The following CDK5RAP2 variants were observed in gnomAD, a reference collection of about 807,000 sequenced individuals.
CDK5RAP2 encodes CDK5 regulatory subunit associated protein 2.
In CDK5RAP2, 147 loss-of-function variants were observed where a neutral mutation model predicts 232.9. That is an observed-to-expected ratio of 0.63 (90% confidence interval 0.55 to 0.72). CDK5RAP2 has a LOEUF of 0.72. CDK5RAP2 is among the 30% of genes least tolerant of loss of function. The pLI is 0.00. For synonymous variants in CDK5RAP2, 833 were observed against 833.7 expected, an observed-to-expected ratio of 1.00 and a Z score of 0.01; for missense variants, 2,195 against 2,231.5, an observed-to-expected ratio of 0.98 and a Z score of 0.33.
rs2033518959 is a variant in CDK5RAP2 at position 120,407,266 on chromosome 9, G to C, written c.4727-18C>G. 1 of 1,579,496 alleles carries C rather than the reference G, an allele frequency of 6.3e-7. No homozygotes were observed. The highest frequency in any genetic ancestry group is 1.3e-5 in the African/African-American group (1 of 74,486). ...CGACGCCTCTGAGGACATGTGCAAA[G>C]AGAAGCCCTGACATCTTCCACAACC... On this transcript the variant is annotated intron_variant, in intron 31 of 37. Transcript: ENST00000349780.
At chr9:120,443,818 A>G (rs1381110986) in intron 22 of CDK5RAP2, 76 bp from the exon 23 acceptor site, 22 of 1,586,554 alleles carry the variant, frequency 1.4e-5, no homozygotes, top group Non-Finnish European at 1.9e-5. Context: ...ACTGAGAAGA[A>G]CACAAAGATA....
intron 14 of CDK5RAP2, among the ~76,000 whole-genome samples, chr9:120,479,066 T>C (rs2038171400): frequency 6.6e-6 from 1 of 152,130 alleles, no homozygotes. Context: ...ACAGACCCAG[T>C]TTGGAAAGGC....
At chr9:120,413,509 T>C (rs552607254) in intron 28 of CDK5RAP2, among the ~76,000 whole-genome samples, 50 of 152,326 alleles carry the variant, frequency 3.3e-4, no homozygotes, top group Admixed American at 7.2e-4. Flanking sequence ...AGCACGTCTT[T>C]CCACCAGTGT....
rs1289333249 is a variant in CDK5RAP2, at chr9:120,571,803, T to G, written c.127+171A>C. The G allele has an allele frequency of 6.0e-6, 4 of 668,390 alleles. No individual in the cohort carries two copies. In the East Asian group the frequency reaches 1.1e-4, roughly 19 times the overall value. The allele number at this position is 668,390 out of a possible 1,614,324, so 41.4% of individuals were successfully genotyped here. A position where few individuals can be genotyped will look rare whatever the true frequency, so the allele number is the denominator to read the frequency against. ...AACAATTCCTCTAGTCCAGTGTTTA[T>G]GAAAGGAGGTGGAAAGCAAATCAAT... is the stretch of plus-strand genomic sequence containing the variant. On this transcript the variant is annotated intron_variant, in intron 2 of 37. Transcript: ENST00000349780.
intron 18 of CDK5RAP2, 58 bp downstream of exon 18, chr9:120,467,802 T>C (rs1224110538): frequency 2.5e-6 from 4 of 1,591,850 alleles, no homozygotes; most frequent in Middle Eastern, 1.7e-4. Flanking sequence ...TGAGCCACCA[T>C]ACCAAGCCGG....
intron 18 of CDK5RAP2, 163 bp from the exon 19 acceptor site, chr9:120,460,830 A>C (rs1292597101): frequency 6.6e-6 from 8 of 1,219,702 alleles, no homozygotes; most frequent in Non-Finnish European, 9.2e-6. Flanking sequence ...AAATTAACCA[A>C]GGTTAGAGTT....
At chr9:120,577,983 TCTCACGCCGGGCGCGGTGG>T (rs774959769) in intron 1 of CDK5RAP2, among the ~76,000 whole-genome samples, 1 of 152,160 alleles carries the variant, frequency 6.6e-6, no homozygotes, top group Non-Finnish European at 1.5e-5. Flanking sequence ...AAAAAATAGT[TCTCACGCCGGGCGCGGTGG>T]CTCACGCCTG....
In CDK5RAP2 at chr9:120,491,381, T is replaced by G. The variant is rs751318546; in HGVS notation, c.1408A>C (p.Lys470Gln). 1 of 1,612,808 alleles carries G rather than the reference T, an allele frequency of 6.2e-7. No homozygotes were observed. The highest frequency in any genetic ancestry group is 1.1e-5 in the South Asian group (1 of 91,018). The change falls in exon 13 of 38, where the codon AAA becomes CAA. Residue 470 changes from lysine to glutamine, a missense_variant. Coordinates refer to ENST00000349780, the MANE Select transcript of CDK5RAP2 (RefSeq NM_018249.6). Reference protein sequence around the residue: ...RYKSLLSESNKKLHNQEQVIK... With the variant: ...RYKSLLSESNQKLHNQEQVIK... ...ACTTGCTCTTGATTGTGCAATTTTT[T>G]ATTGCTTTCACTCAGAAGACTCTTG...
At chr9:120,501,949 T>TTCC (rs2039594599) in intron 12 of CDK5RAP2, among the ~76,000 whole-genome samples, 1 of 152,224 alleles carries the variant, frequency 6.6e-6, no homozygotes, top group African/African-American at 2.4e-5. Flanking sequence ...ATGAGATGGA[T>TTCC]GGGACTGCTC....
At chr9:120,492,048 TATA>T (rs1242499067) in intron 12 of CDK5RAP2, among the ~76,000 whole-genome samples, 1 of 151,984 alleles carries the variant, frequency 6.6e-6, no homozygotes, top group Non-Finnish European at 1.5e-5. Context: ...ACAAAGAATT[TATA>T]ATAACATAAA....
intron 12 of CDK5RAP2, among the ~76,000 whole-genome samples, chr9:120,508,010 T>C (rs1442033744): frequency 7.4e-6 from 1 of 134,970 alleles, no homozygotes; most frequent in East Asian, 2.3e-4. Flanking sequence ...AATCTTAGAA[T>C]CACATTAGAA....
intron 1 of CDK5RAP2, among the ~76,000 whole-genome samples, chr9:120,578,215 C>T (rs924206353): frequency 6.6e-6 from 1 of 152,014 alleles, no homozygotes. Flanking sequence ...TGAAGTGAGC[C>T]GAGATCGCGC....
intron 12 of CDK5RAP2, among the ~76,000 whole-genome samples, chr9:120,504,821 A>G (rs1199734199): frequency 6.6e-6 from 1 of 152,100 alleles, no homozygotes; most frequent in Non-Finnish European, 1.5e-5. Context: ...AGTCCCCTCC[A>G]CCTGGAAAAA....
intron 15 of CDK5RAP2, among the ~76,000 whole-genome samples, chr9:120,476,593 C>T (rs554968231): frequency 6.6e-6 from 1 of 151,590 alleles, no homozygotes; most frequent in East Asian, 1.9e-4. Flanking sequence ...GCAGGAGAAT[C>T]GCTTGAACCC....
chr9:120,409,119 GC>G lies in CDK5RAP2; in HGVS notation c.4604+7del. 6.2e-7 allele frequency: 1 copy of G among 1,610,582 alleles called. No homozygotes were observed. Reference sequence around the variant, plus strand: ...GCCAGCAGGCCACCAGGGAAGCACAGCCACTACCTGCTCAGCTCCTGGCCGC... The same window carrying G: ...GCCAGCAGGCCACCAGGGAAGCACAGCACTACCTGCTCAGCTCCTGGCCGC... On this transcript the variant is annotated splice_region_variant and intron_variant, in intron 30 of 37. Transcript: ENST00000349780.
chr9:120,548,780 C>T (rs557522053), intron 4 of CDK5RAP2, among the ~76,000 whole-genome samples: 1 of 152,270 alleles, frequency 6.6e-6, no homozygotes, highest in South Asian at 2.1e-4. Flanking sequence ...CCACTACACT[C>T]CAGCTCGGTG....
chr9:120,400,114 C>T (rs10818455), intron 35 of CDK5RAP2, among the ~76,000 whole-genome samples: 33,540 of 152,104 alleles, frequency 0.22, 4,263 homozygotes, highest in African/African-American at 0.34. Flanking sequence ...AGGTCCCTTC[C>T]TCCAGGGAGG....
intron 6 of CDK5RAP2, among the ~76,000 whole-genome samples, chr9:120,537,527 T>C (rs1031409294): frequency 6.6e-6 from 1 of 152,130 alleles, no homozygotes; most frequent in Non-Finnish European, 1.5e-5. Flanking sequence ...AGGAGCTTCA[T>C]TCGTATTATC....
At chr9:120,445,645 T>G (rs1437696772) in intron 22 of CDK5RAP2, among the ~76,000 whole-genome samples, 1 of 152,176 alleles carries the variant, frequency 6.6e-6, no homozygotes, top group Admixed American at 6.5e-5. Context: ...CCCTCCTTAC[T>G]CAGCTTCTGG....
Sources: gnomAD v4.1 joint callset for allele counts (sites outside exome capture counted in the v4.1 genomes callset) on GRCh38, gnomAD v4.1.1 for gene constraint, MANE v1.5 for transcripts, NCBI Gene and HGNC (gene_info 2026-07-23, HGNC 2026-07-21) for gene names.